Variants in SNX6 observed in about 807,000 individuals in gnomAD.
SNX6 encodes the protein sorting nexin-6.
SNX6 carries 34 observed loss-of-function variants against 63.0 expected under a neutral mutation model. The ratio of observed to expected loss-of-function variants is 0.54; its 90% CI spans 0.41 to 0.72. SNX6 has a LOEUF of 0.72. SNX6 is among the 30% of genes least tolerant of loss of function. The pLI is 0.00. For missense variants in SNX6, 398 were observed against 471.4 expected (o/e 0.84, Z 1.44); for synonymous variants, 170 against 164.2 (o/e 1.04, Z -0.27).
intron 10 of SNX6, among the ~76,000 whole-genome samples, chr14:34,577,860 C>T (rs1881772114): frequency 6.6e-6 from 1 of 152,066 alleles, no homozygotes; most frequent in African/African-American, 2.4e-5. Flanking sequence ...ATAAAGGACA[C>T]AGAATGAAGA....
intron 9 of SNX6, among the ~76,000 whole-genome samples, chr14:34,585,520 A>C (rs1243483596): frequency 6.6e-6 from 1 of 152,142 alleles, no homozygotes; most frequent in Non-Finnish European, 1.5e-5. Flanking sequence ...ACCCTGTTTC[A>C]AAACAAAAAC....
intron 2 of SNX6, among the ~76,000 whole-genome samples, chr14:34,623,112 T>C (rs903120847): frequency 6.6e-6 from 1 of 152,228 alleles, no homozygotes; most frequent in African/African-American, 2.4e-5. Flanking sequence ...CTTATTGATC[T>C]TTTTAATCCT....
Position 34,564,735 on chromosome 14 carries a change from G to A in SNX6, c.1168-1560C>T, listed in dbSNP as rs566883323. Among the ~76,000 whole-genome samples, 20 of 151,678 alleles carry A rather than the reference G, an allele frequency of 1.3e-4. No individual in the cohort carries two copies. The South Asian group carries it at 4.2e-3, about 32-fold the overall frequency. The stretch of plus-strand genomic sequence containing the variant: ...CCAGCTATTCGAGAGGCTGAGGCAG[G>A]AGAATTGCTTGAACCCGGGAGGCAG... On this transcript the variant is annotated intron_variant, in intron 13 of 13. Coordinates refer to ENST00000362031, the MANE Select transcript of SNX6 (RefSeq NM_152233.4).
intron 9 of SNX6, among the ~76,000 whole-genome samples, chr14:34,582,190 G>A (rs116439273): frequency 0.023 from 3,380 of 147,418 alleles, 127 homozygotes; most frequent in African/African-American, 0.078. Context: ...AGAGTGCAGC[G>A]GTGCAACCTC....
intron 10 of SNX6, among the ~76,000 whole-genome samples, chr14:34,580,873 C>G (rs1370460389): frequency 6.6e-6 from 1 of 152,134 alleles, no homozygotes; most frequent in Non-Finnish European, 1.5e-5. Flanking sequence ...CCAGGCTGAT[C>G]TCAAATTCCT....
In SNX6 at chr14:34,605,797, T is replaced by C. The variant is rs1450454779; in HGVS notation, c.271-80A>G. 2.6e-6 allele frequency: 4 copies of C among 1,509,494 alleles called. No homozygotes were observed. The African/African-American group carries it at 4.3e-5, about 16-fold the overall frequency. 93.5% of individuals were successfully genotyped at this position (1,509,494 alleles called of 1,614,324 possible). On this transcript the variant is annotated intron_variant, in intron 4 of 13. Transcript: ENST00000362031. ...GTACTACTGCCACCATAGAAGACTG[T>C]GTCTGGGAAAGCTAAGGGGATCCAG...
intron 1 of SNX6, 77 bp from the exon 2 acceptor site, chr14:34,630,031 G>A: frequency 6.9e-7 from 1 of 1,449,116 alleles, no homozygotes; most frequent in Non-Finnish European, 9.0e-7. Context: ...TTAGTGACAG[G>A]CTGGCGCGGT....
Position 34,562,982 on chromosome 14 carries a change from C to T in SNX6, c.*140G>A. The T allele has an allele frequency of 1.2e-6, 1 of 800,060 alleles. No individual in the cohort carries two copies. Among genetic ancestry groups the T allele is most frequent in the Non-Finnish European group, 2.1e-6 (1 of 487,530 alleles). The allele number at this position is 800,060 out of a possible 1,614,324, so 49.6% of individuals were successfully genotyped here. ...CCTGGGCGTGCGCTGCTCCATGTTT[C>T]TCAGAAAAAGAGGAGTTGATGCACT... On this transcript the variant is annotated 3_prime_UTR_variant, in exon 14 of 14. Transcript: ENST00000362031.
chr14:34,587,298 C>T (rs1882205450), intron 8 of SNX6, among the ~76,000 whole-genome samples: 1 of 151,394 alleles, frequency 6.6e-6, no homozygotes. Context: ...TTTGGGAGGC[C>T]AAGGCGGGCA....
At chr14:34,579,538 T>C (rs905782379) in intron 10 of SNX6, among the ~76,000 whole-genome samples, 1 of 152,010 alleles carries the variant, frequency 6.6e-6, no homozygotes, top group Non-Finnish European at 1.5e-5. Context: ...GCTCAAGAGT[T>C]TGAGGCTACA....
rs113032565 is a variant in SNX6, at chr14:34,600,415, G to A, written c.517-2770C>T. On this transcript the variant is annotated intron_variant, in intron 6 of 13. Transcript: ENST00000362031. ...GTTGGGATTACAGGAATGAGCCACC[G>A]CACCCGGCATTTTTCTTTCTTCTTC... Among the ~76,000 whole-genome samples, 953 of 151,264 alleles carry A rather than the reference G, an allele frequency of 6.3e-3. 8 individuals are homozygous for A. Among genetic ancestry groups the A allele is most frequent in the African/African-American group, 0.021 (877 of 41,190 alleles).
chr14:34,605,595 C>T lies in SNX6; in HGVS notation c.392+1G>A, dbSNP rs1882986036. 2 of 1,563,174 alleles carry T rather than the reference C, an allele frequency of 1.3e-6. No individual in the cohort carries two copies. Among genetic ancestry groups the T allele is most frequent in the Non-Finnish European group, 1.7e-6 (2 of 1,161,990 alleles). ...AACAAAAAAATAAAAAAATCACTTA[C>T]GCTTCCAGTTCCTGTTTCATCTTTG... On this transcript the variant is annotated splice_donor_variant, in intron 5 of 13. Transcript: ENST00000362031. LOFTEE classifies it high-confidence loss of function.
intron 8 of SNX6, among the ~76,000 whole-genome samples, chr14:34,587,903 C>A (rs1270347581): frequency 6.6e-6 from 1 of 151,068 alleles, no homozygotes; most frequent in Admixed American, 6.6e-5. Context: ...CTCCACCACC[C>A]GGGTTCAAGT....
chr14:34,586,735 C>T (rs562403821), intron 8 of SNX6, among the ~76,000 whole-genome samples: 8 of 131,464 alleles, frequency 6.1e-5, no homozygotes, highest in African/African-American at 3.0e-5. Flanking sequence ...GGAGGTCGGG[C>T]GCAGTAGCTC....
intron 8 of SNX6, among the ~76,000 whole-genome samples, chr14:34,591,595 CA>C (rs546503360): frequency 3.5e-5 from 5 of 143,918 alleles, no homozygotes; most frequent in Admixed American, 7.0e-5. Flanking sequence ...GACTCCGCCT[CA>C]AAAAAAAAAA....
chr14:34,589,544 G>A (rs953551603), intron 8 of SNX6, among the ~76,000 whole-genome samples: 8 of 151,974 alleles, frequency 5.3e-5, no homozygotes, highest in Admixed American at 6.6e-5. Flanking sequence ...ATAAAGTTGG[G>A]ATTGGGCACA....
chr14:34,619,666 T>TC (rs1883553904), intron 2 of SNX6, among the ~76,000 whole-genome samples: 2 of 152,078 alleles, frequency 1.3e-5, no homozygotes, highest in African/African-American at 4.8e-5. Flanking sequence ...CTTCCTGCTT[T>TC]CTCCCCACCA....
At chr14:34,604,179 GA>G (rs1566484372) in intron 5 of SNX6, 1 of 1,288,130 alleles carries the variant, frequency 7.8e-7, no homozygotes, top group Non-Finnish European at 1.0e-6. Flanking sequence ...TGATCTCTGT[GA>G]GGGTAGTCAT....
intron 2 of SNX6, among the ~76,000 whole-genome samples, chr14:34,615,928 T>C (rs1883402220): frequency 6.6e-6 from 1 of 152,218 alleles, no homozygotes; most frequent in South Asian, 2.1e-4. Context: ...GCATATTTTT[T>C]ATAACATATC....
Sources: gnomAD v4.1 joint callset for allele counts (sites outside exome capture counted in the v4.1 genomes callset) on GRCh38, gnomAD v4.1.1 for gene constraint, MANE v1.5 for transcripts, NCBI Gene and HGNC (gene_info 2026-07-23, HGNC 2026-07-21) for gene names.